Variants in CUEDC1 observed in about 807,000 individuals in gnomAD.
CUEDC1 encodes CUE domain containing 1, also known as CUE domain-containing protein 1.
A neutral mutation model predicts 43.7 loss-of-function variants in CUEDC1; 30 were observed. The observed-to-expected ratio is 0.69, with a 90% CI of 0.51 to 0.93. The LOEUF is 0.93. CUEDC1 is among the 40% of genes least tolerant of loss of function. The pLI is 0.00. For synonymous variants in CUEDC1, 223 were observed against 223.6 expected, an observed-to-expected ratio of 1.00 and a Z score of 0.02; for missense variants, 486 against 549.0, an observed-to-expected ratio of 0.89 and a Z score of 1.15.
chr17:57,891,675 C>T (rs965177092), intron 1 of CUEDC1, among the ~76,000 whole-genome samples: 5 of 152,208 alleles, frequency 3.3e-5, no homozygotes, highest in African/African-American at 9.7e-5. Flanking sequence ...CCTTGCTAGT[C>T]CACCAACGAG....
chr17:57,950,473 A>AT (rs1392004326), intron 1 of CUEDC1, among the ~76,000 whole-genome samples: 40 of 136,972 alleles, frequency 2.9e-4, no homozygotes, highest in African/African-American at 7.9e-4. Flanking sequence ...TTTTTTATTT[A>AT]TTTATTTTTT....
At chr17:57,872,561 G>A in intron 5 of CUEDC1, 102 bp downstream of exon 5, 7 of 1,285,982 alleles carry the variant, frequency 5.4e-6, no homozygotes, top group Non-Finnish European at 7.5e-6. Context: ...AAAGCACCTG[G>A]CCCCCTCAGC....
intron 1 of CUEDC1, among the ~76,000 whole-genome samples, chr17:57,913,312 G>A (rs2074603914): frequency 6.7e-6 from 1 of 148,438 alleles, no homozygotes; most frequent in Non-Finnish European, 1.5e-5. Context: ...TGGGCAACAA[G>A]AACAAGACTC....
At chr17:57,893,514 G>A (rs1448544988) in intron 1 of CUEDC1, among the ~76,000 whole-genome samples, 11 of 152,222 alleles carry the variant, frequency 7.2e-5, no homozygotes, top group African/African-American at 2.7e-4. Context: ...CCAAGGCTCG[G>A]AAAAGGCTTA....
chr17:57,872,260 C>A (rs1024179304), intron 5 of CUEDC1, among the ~76,000 whole-genome samples: 1 of 152,272 alleles, frequency 6.6e-6, no homozygotes, highest in Non-Finnish European at 1.5e-5. Flanking sequence ...CCTCCCCCGC[C>A]CTGGCCTTCA....
chr17:57,904,271 A>T (rs1477979918), intron 1 of CUEDC1, among the ~76,000 whole-genome samples: 3 of 151,792 alleles, frequency 2.0e-5, no homozygotes, highest in Non-Finnish European at 4.4e-5. Flanking sequence ...AACACCCATA[A>T]CCATCCTCAC....
At chr17:57,935,337 T>A (rs1375087694) in intron 1 of CUEDC1, among the ~76,000 whole-genome samples, 1 of 150,702 alleles carries the variant, frequency 6.6e-6, no homozygotes, top group Admixed American at 6.6e-5. Flanking sequence ...GTGACCAGCG[T>A]GACAGTGATT....
intron 1 of CUEDC1, among the ~76,000 whole-genome samples, chr17:57,896,560 AAT>A (rs1271051735): frequency 9.3e-5 from 14 of 150,720 alleles, no homozygotes; most frequent in African/African-American, 3.4e-4. Flanking sequence ...AGAAACTGAT[AAT>A]ATATGTTTCC....
chr17:57,869,278 T>C lies in CUEDC1; in HGVS notation c.869-85A>G, dbSNP rs183716207. 276 of 1,148,316 alleles carry C rather than the reference T, an allele frequency of 2.4e-4. 2 individuals are homozygous for C. The East Asian group carries it at 6.6e-3, about 27-fold the overall frequency. The allele number at this position is 1,148,316 out of a possible 1,614,324, so 71.1% of individuals were successfully genotyped here. A position where few individuals can be genotyped will look rare whatever the true frequency, so the allele number is the denominator to read the frequency against. Reference sequence around the variant, plus strand: ...CCCTACCCACCCATCTGAGGACAAATGCAAAGAAAGAGCAGGCTTCTTCCC... The same window carrying C: ...CCCTACCCACCCATCTGAGGACAAACGCAAAGAAAGAGCAGGCTTCTTCCC... On this transcript the variant is annotated intron_variant, in intron 6 of 10. Coordinates refer to ENST00000577830, the MANE Select transcript of CUEDC1 (RefSeq NM_001271875.2).
intron 1 of CUEDC1, among the ~76,000 whole-genome samples, chr17:57,897,820 C>T (rs574198469): frequency 4.1e-4 from 63 of 152,150 alleles, no homozygotes; most frequent in African/African-American, 1.4e-3. Flanking sequence ...TGAGACCAGC[C>T]TGGCCAACAT....
At chr17:57,942,825 G>A (rs1000617945) in intron 1 of CUEDC1, among the ~76,000 whole-genome samples, 6 of 151,762 alleles carry the variant, frequency 4.0e-5, no homozygotes, top group African/African-American at 1.4e-4. Flanking sequence ...TCAGGAGATC[G>A]AGATCATCCT....
At chr17:57,910,780 T>C (rs1359829948) in intron 1 of CUEDC1, among the ~76,000 whole-genome samples, 4 of 152,190 alleles carry the variant, frequency 2.6e-5, no homozygotes, top group Non-Finnish European at 5.9e-5. Context: ...TAGCATATCA[T>C]AATGTGATCA....
rs1396154933 is a variant in CUEDC1, at chr17:57,952,175, GGGT to G, written c.-316+3047_-316+3049del. 4.6e-5 allele frequency among the ~76,000 whole-genome samples: 7 copies of G among 151,516 alleles called. No individual in the cohort carries two copies. The South Asian group carries it at 1.5e-3, about 32-fold the overall frequency. On this transcript the variant is annotated intron_variant, in intron 1 of 10. Transcript: ENST00000577830. Reference sequence around the variant, plus strand: ...AGGACCACTGGACCACAGCGCTTTAGGGTCTCCAATGCCCTTCATTTTATTTTA... The same window carrying G: ...AGGACCACTGGACCACAGCGCTTTAGCTCCAATGCCCTTCATTTTATTTTA...
intron 1 of CUEDC1, among the ~76,000 whole-genome samples, chr17:57,891,566 T>C (rs2074355069): frequency 6.6e-6 from 1 of 152,150 alleles, no homozygotes; most frequent in South Asian, 2.1e-4. Flanking sequence ...ACCCAGAGCT[T>C]TACCGTGGCC....
intron 1 of CUEDC1, among the ~76,000 whole-genome samples, chr17:57,902,261 G>A (rs35174258): frequency 0.18 from 27,292 of 151,580 alleles, 3,408 homozygotes; most frequent in African/African-American, 0.35. Context: ...CCTGGGAGGC[G>A]GAGGTTGCAG....
At chr17:57,910,709 C>T (rs1011582422) in intron 1 of CUEDC1, among the ~76,000 whole-genome samples, 2 of 152,136 alleles carry the variant, frequency 1.3e-5, no homozygotes, top group Non-Finnish European at 2.9e-5. Flanking sequence ...CAATAACTGT[C>T]CTGGATGGTA....
chr17:57,875,573 C>T (rs374375277), intron 3 of CUEDC1, among the ~76,000 whole-genome samples: 59 of 151,372 alleles, frequency 3.9e-4, no homozygotes, highest in Admixed American at 1.1e-3. Context: ...TGAGCTGAGA[C>T]GCAAATAAAA....
chr17:57,938,163 T>C (rs1210590155), intron 1 of CUEDC1, among the ~76,000 whole-genome samples: 2 of 152,254 alleles, frequency 1.3e-5, no homozygotes, highest in East Asian at 3.9e-4. Context: ...TGAGACAGTC[T>C]AGGGACAAGG....
intron 1 of CUEDC1, among the ~76,000 whole-genome samples, chr17:57,904,482 G>A (rs866139943): frequency 6.6e-6 from 1 of 152,162 alleles, no homozygotes; most frequent in Non-Finnish European, 1.5e-5. Flanking sequence ...GGAAAAATCT[G>A]TTTCTAAAAA....
Sources: gnomAD v4.1 joint callset for allele counts (sites outside exome capture counted in the v4.1 genomes callset) on GRCh38, gnomAD v4.1.1 for gene constraint, MANE v1.5 for transcripts, NCBI Gene and HGNC (gene_info 2026-07-23, HGNC 2026-07-21) for gene names.